DST: variants seen among roughly 807,000 people sequenced by gnomAD.
The protein encoded by DST is dystonin.
Under a neutral mutation model 875.2 loss-of-function variants are expected in DST, and 253 were observed. That is an observed-to-expected ratio of 0.29 (90% CI 0.26 to 0.32). The LOEUF (loss-of-function observed/expected upper bound fraction) is 0.32, where lower values mean the gene tolerates loss of function less well. DST is among the 10% of genes least tolerant of loss of function. DST has a pLI of 1.00. For synonymous variants in DST, 3,124 were observed against 3,197.1 expected (o/e 0.98, Z 0.77); for missense variants, 8,287 against 9,111.6 (o/e 0.91, Z 3.68).
At chr6:56,493,290 C>G (rs1200348200) in intron 83 of DST, among the ~76,000 whole-genome samples, 1 of 152,064 alleles carries the variant, frequency 6.6e-6, no homozygotes, top group Non-Finnish European at 1.5e-5. Flanking sequence ...GCCTAGTAAG[C>G]AGCATCTCAC....
At chr6:56,940,183 T>C (rs1016226791) in intron 2 of DST, among the ~76,000 whole-genome samples, 4 of 128,718 alleles carry the variant, frequency 3.1e-5, no homozygotes, top group African/African-American at 1.2e-4. Flanking sequence ...AATTCCACAT[T>C]ACCCCCATAC....
At chr6:56,692,362 G>A in intron 9 of DST, 2 of 1,186,684 alleles carry the variant, frequency 1.7e-6, no homozygotes, top group Non-Finnish European at 2.2e-6. Context: ...TTATTTACTT[G>A]AACTCAGACT....
chr6:56,778,293 T>G (rs968628192), intron 4 of DST, among the ~76,000 whole-genome samples: 1 of 151,026 alleles, frequency 6.6e-6, no homozygotes, highest in Non-Finnish European at 1.5e-5. Context: ...GCAGAAATAT[T>G]GCAAGAGGAT....
At chr6:56,800,803 G>A (rs974734138) in intron 4 of DST, among the ~76,000 whole-genome samples, 5 of 152,108 alleles carry the variant, frequency 3.3e-5, no homozygotes, top group Non-Finnish European at 5.9e-5. Context: ...AGGACTGCTT[G>A]AGCCCAGGAG....
At chr6:56,465,974 C>CTATTG in intron 99 of DST, 104 bp downstream of exon 99, 2 of 795,434 alleles carry the variant, frequency 2.5e-6, no homozygotes, top group Middle Eastern at 2.3e-4. Flanking sequence ...GAAACATTCA[C>CTATTG]TATTGGAATA....
At chr6:56,801,870 C>G (rs1447983246) in intron 4 of DST, among the ~76,000 whole-genome samples, 1 of 151,852 alleles carries the variant, frequency 6.6e-6, no homozygotes, top group Non-Finnish European at 1.5e-5. Flanking sequence ...CTGACTCAGC[C>G]TCCCGAGGAG....
chr6:56,953,897 G>GAGAC, intron 1 of DST, 78 bp from the exon 2 acceptor site: 1 of 1,109,476 alleles, frequency 9.0e-7, no homozygotes, highest in Non-Finnish European at 1.2e-6. Context: ...ACTTACCTGG[G>GAGAC]AGACCAGGGT....
At chr6:56,874,509 G>C (rs971854357) in intron 3 of DST, among the ~76,000 whole-genome samples, 8 of 152,084 alleles carry the variant, frequency 5.3e-5, no homozygotes, top group Non-Finnish European at 7.4e-5. Context: ...TCATTTAATA[G>C]CTCACAAAAC....
At chr6:56,863,225 C>T (rs890831768) in intron 3 of DST, 2 of 152,214 alleles carry the variant, frequency 1.3e-5, no homozygotes, top group Non-Finnish European at 2.9e-5. Flanking sequence ...TCCTTTTCCT[C>T]ATACACACAG....
intron 102 of DST, 104 bp downstream of exon 102, chr6:56,462,942 G>C (rs1467543508): frequency 1.6e-6 from 1 of 622,378 alleles, no homozygotes; most frequent in African/African-American, 1.8e-5. Flanking sequence ...AAAGACATAG[G>C]GTTAGCAAAG....
At chr6:56,780,552 T>C (rs1233210065) in intron 4 of DST, among the ~76,000 whole-genome samples, 3 of 152,208 alleles carry the variant, frequency 2.0e-5, no homozygotes, top group South Asian at 4.2e-4. Context: ...TCATATCCTT[T>C]GCCCACTTTT....
intron 15 of DST, among the ~76,000 whole-genome samples, chr6:56,643,474 C>T (rs929540830): frequency 6.6e-6 from 1 of 152,168 alleles, no homozygotes; most frequent in East Asian, 1.9e-4. Context: ...AAGTAGAATA[C>T]TGATGCAATG....
chr6:56,954,724 GC>G lies in DST; in HGVS notation c.-138del. On this transcript the variant is annotated 5_prime_UTR_variant, in exon 1 of 104. Coordinates refer to ENST00000680361, the MANE Select transcript of DST (RefSeq NM_001374736.1). ...TCATGCCTGGCGCTCGCGGCCCCGC[GC>G]CCAGCCCAATGGCTGCGCACCCCGC... is the stretch of plus-strand genomic sequence containing the variant. 1 of 389,300 alleles carries G rather than the reference GC, an allele frequency of 2.6e-6. No individual in the cohort carries two copies. Among genetic ancestry groups the G allele is most frequent in the Non-Finnish European group, 3.6e-6 (1 of 276,958 alleles). 24.1% of individuals were successfully genotyped at this position (389,300 alleles called of 1,614,324 possible). A position where few individuals can be genotyped will look rare whatever the true frequency, so the allele number is the denominator to read the frequency against.
intron 85 of DST, among the ~76,000 whole-genome samples, chr6:56,491,821 A>G (rs569321231): frequency 1.2e-4 from 19 of 152,304 alleles, no homozygotes; most frequent in Middle Eastern, 3.4e-3. Flanking sequence ...TTGTGAAGAA[A>G]GTCTGGCTTA....
In DST at chr6:56,598,514, T is replaced by C; in HGVS notation, c.11890A>G (p.Lys3964Glu). The C allele has an allele frequency of 6.3e-7, 1 of 1,592,784 alleles. No individual in the cohort carries two copies. The highest frequency in any genetic ancestry group is 1.3e-5 in the African/African-American group (1 of 74,462). The change falls in exon 46 of 104, where the codon AAA becomes GAA. Residue 3964 changes from lysine (K) to glutamate (E), a missense_variant. Around this residue, in one of 10 missense-constraint regions of DST, gnomAD observed 1,513 missense variants for 1,677.8 expected, o/e 0.90. Transcript: ENST00000680361. ...TCCTTGATTGCTGTTGTCACAACTT[T>C]ATCCAGCTCCTTTTTAGACTGTTCT... Reference protein sequence around the residue: ...KAEQSKKELDKVVTTAIKEET... With the variant: ...KAEQSKKELDEVVTTAIKEET...
At chr6:56,667,981 G>A (rs1403381528) in intron 10 of DST, among the ~76,000 whole-genome samples, 1 of 151,664 alleles carries the variant, frequency 6.6e-6, no homozygotes, top group Non-Finnish European at 1.5e-5. Context: ...GTCTAGGTTG[G>A]TCTCAAATTC....
chr6:56,778,409 T>C (rs1486878951), intron 4 of DST, among the ~76,000 whole-genome samples: 1 of 151,364 alleles, frequency 6.6e-6, no homozygotes, highest in African/African-American at 2.4e-5. Flanking sequence ...ATACTTTAAG[T>C]TTTAGGGTAC....
chr6:56,612,206 A>G lies in DST; in HGVS notation c.5059-610T>C, dbSNP rs150877551. Among the ~76,000 whole-genome samples the G allele has an allele frequency of 9.5e-4, 144 of 152,234 alleles. 4 individuals are homozygous for G. The East Asian group carries it at 0.019, about 20-fold the overall frequency. On this transcript the variant is annotated intron_variant, in intron 37 of 103. Coordinates refer to ENST00000680361, the MANE Select transcript of DST (RefSeq NM_001374736.1). ...AGCAACATGGTGAAATATTGTCTCT[A>G]TGAAAAATACAAAAAGTATCCAAGT...
chr6:56,626,713 C>T (rs1189315052), intron 34 of DST, among the ~76,000 whole-genome samples: 3 of 152,062 alleles, frequency 2.0e-5, no homozygotes, highest in Admixed American at 1.3e-4. Context: ...GTAGGGTGGT[C>T]GGGTAATTTC....
Sources: allele counts gnomAD v4.1 joint callset (sites outside exome capture counted in the v4.1 genomes callset), GRCh38; gene constraint gnomAD v4.1.1; regional missense constraint gnomAD v4.1.1; transcripts MANE v1.5; gene names NCBI Gene and HGNC (gene_info 2026-07-23, HGNC 2026-07-21).